Variants in CALN1 observed in about 807,000 individuals in gnomAD.
The protein encoded by CALN1 is calneuron 1.
In CALN1, 17 loss-of-function variants were observed where a neutral mutation model predicts 30.6. That is an observed-to-expected ratio of 0.56 (90% confidence interval 0.38 to 0.83). The LOEUF is 0.83. CALN1 is among the 40% of genes least tolerant of loss of function. The pLI is 0.00. For missense variants in CALN1, 291 were observed against 354.9 expected (o/e 0.82, Z 1.45); for synonymous variants, 156 against 131.4 (o/e 1.19, Z -1.28).
chr7:71,949,700 A>C (rs1165390894), intron 5 of CALN1, among the ~76,000 whole-genome samples: 3 of 151,856 alleles, frequency 2.0e-5, no homozygotes, highest in African/African-American at 4.8e-5. Flanking sequence ...TTTAAACCCC[A>C]AAAAATTCTG....
chr7:72,197,248 G>A (rs368670095), intron 3 of CALN1, among the ~76,000 whole-genome samples: 21 of 126,128 alleles, frequency 1.7e-4, no homozygotes, highest in African/African-American at 4.9e-4. Flanking sequence ...GCAGTGGCAC[G>A]ATCTCAGCTC....
chr7:72,078,511 C>T (rs1354277277), intron 4 of CALN1, among the ~76,000 whole-genome samples: 1 of 152,152 alleles, frequency 6.6e-6, no homozygotes, highest in Non-Finnish European at 1.5e-5. Context: ...CATAAACAGA[C>T]AAAAACTGGC....
chr7:72,239,462 A>C (rs1468945288), intron 3 of CALN1, among the ~76,000 whole-genome samples: 1 of 152,170 alleles, frequency 6.6e-6, no homozygotes, highest in African/African-American at 2.4e-5. Context: ...CTTAGCTTCT[A>C]AACCCTCTTG....
intron 2 of CALN1, among the ~76,000 whole-genome samples, chr7:72,366,234 C>T (rs2968500): frequency 0.36 from 54,572 of 151,592 alleles, 10,679 homozygotes; most frequent in Middle Eastern, 0.53. Flanking sequence ...AGTGCAGTGG[C>T]GCCATCTCAG....
chr7:71,802,979 G>A (rs575508180), intron 6 of CALN1, among the ~76,000 whole-genome samples: 40 of 151,972 alleles, frequency 2.6e-4, no homozygotes, highest in Non-Finnish European at 4.6e-4. Context: ...AGCTGAGATC[G>A]CGCCACTGCA....
intron 3 of CALN1, among the ~76,000 whole-genome samples, chr7:72,154,005 T>G (rs529220834): frequency 6.5e-4 from 99 of 152,204 alleles, no homozygotes; most frequent in African/African-American, 2.1e-3. Flanking sequence ...CCAGAGTAAC[T>G]TCTCTGTGAA....
chr7:72,428,469 G>A (rs532821193), intron 1 of CALN1, among the ~76,000 whole-genome samples: 7 of 150,928 alleles, frequency 4.6e-5, no homozygotes, highest in Middle Eastern at 6.9e-3. Context: ...TCAGCTCACT[G>A]CAGCCTCAAC....
intron 2 of CALN1, among the ~76,000 whole-genome samples, chr7:72,335,954 G>C (rs1427536563): frequency 3.9e-5 from 6 of 152,202 alleles, no homozygotes; most frequent in Non-Finnish European, 7.3e-5. Flanking sequence ...CGCTGCGCTA[G>C]TCCGGAGAAA....
intron 3 of CALN1, among the ~76,000 whole-genome samples, chr7:72,138,932 T>A (rs1809693407): frequency 6.6e-6 from 1 of 152,208 alleles, no homozygotes; most frequent in Admixed American, 6.5e-5. Flanking sequence ...AAATATTTGG[T>A]CATTCTGCTC....
intron 2 of CALN1, among the ~76,000 whole-genome samples, chr7:72,329,634 T>C (rs1240826169): frequency 6.6e-6 from 1 of 152,216 alleles, no homozygotes; most frequent in Non-Finnish European, 1.5e-5. Flanking sequence ...GTCATTCTGG[T>C]ATCAGCCTAA....
chr7:71,902,211 G>A (rs1275251056), intron 5 of CALN1, among the ~76,000 whole-genome samples: 8 of 151,062 alleles, frequency 5.3e-5, no homozygotes, highest in South Asian at 4.2e-4. Context: ...GTGACAATGC[G>A]AGACTCCGTC....
chr7:72,146,939 C>CT (rs1410679095), intron 3 of CALN1, among the ~76,000 whole-genome samples: 4 of 152,172 alleles, frequency 2.6e-5, no homozygotes, highest in African/African-American at 9.7e-5. Context: ...AACTGGATCC[C>CT]TTCCTTACAC....
At chr7:72,290,482 T>C (rs983738244) in intron 2 of CALN1, among the ~76,000 whole-genome samples, 3 of 151,956 alleles carry the variant, frequency 2.0e-5, no homozygotes, top group Middle Eastern at 3.4e-3. Flanking sequence ...TCCTGGAGAG[T>C]TGACTTTGAG....
At chr7:71,894,456 G>A (rs557523884) in intron 5 of CALN1, among the ~76,000 whole-genome samples, 16 of 152,188 alleles carry the variant, frequency 1.1e-4, no homozygotes, top group African/African-American at 2.9e-4. Context: ...TTGTAGAGAC[G>A]GAGTCTCGTT....
At chr7:71,795,770 T>C (rs928819908) in intron 6 of CALN1, among the ~76,000 whole-genome samples, 2 of 151,750 alleles carry the variant, frequency 1.3e-5, no homozygotes, top group Admixed American at 1.3e-4. Context: ...GCATAATTTT[T>C]CAAGGTTCCT....
intron 2 of CALN1, among the ~76,000 whole-genome samples, chr7:72,382,721 T>G (rs1006053163): frequency 1.3e-5 from 2 of 152,172 alleles, no homozygotes; most frequent in Non-Finnish European, 2.9e-5. Context: ...AGTATTTGGA[T>G]TTCTCCTTCT....
intron 3 of CALN1, among the ~76,000 whole-genome samples, chr7:72,258,342 C>T (rs936479972): frequency 6.6e-6 from 1 of 152,062 alleles, no homozygotes; most frequent in Admixed American, 6.6e-5. Context: ...ATTTCTGATA[C>T]CCTGAAAAAG....
At chr7:72,338,169 G>A (rs1802188170) in intron 2 of CALN1, among the ~76,000 whole-genome samples, 1 of 152,134 alleles carries the variant, frequency 6.6e-6, no homozygotes, top group South Asian at 2.1e-4. Flanking sequence ...TGCCCCCAAG[G>A]TTGTGCCAAT....
intron 3 of CALN1, among the ~76,000 whole-genome samples, chr7:72,243,282 C>T (rs144266837): frequency 2.4e-3 from 362 of 152,338 alleles, no homozygotes; most frequent in Non-Finnish European, 4.0e-3. Context: ...CCCTCAAGAA[C>T]TGAATCAGCT....
Sources: allele counts gnomAD v4.1 joint callset (sites outside exome capture counted in the v4.1 genomes callset), GRCh38; gene constraint gnomAD v4.1.1; transcripts MANE v1.5; gene names NCBI Gene and HGNC (gene_info 2026-07-23, HGNC 2026-07-21).